The following PLXDC1 variants were observed in gnomAD, a reference collection of about 807,000 sequenced individuals.
PLXDC1 encodes plexin domain containing 1.
PLXDC1 carries 39 observed loss-of-function variants against 61.3 expected under a neutral mutation model. The ratio of observed to expected loss-of-function variants is 0.64; its 90% CI spans 0.49 to 0.83. PLXDC1 has a LOEUF of 0.83. Among genes scored for constraint, PLXDC1 ranks in the 40% least tolerant of loss-of-function variants. PLXDC1 has a pLI of 0.00. For missense variants in PLXDC1, 596 were observed against 666.5 expected (o/e 0.89, Z 1.17); for synonymous variants, 212 against 254.5 (o/e 0.83, Z 1.59).
chr17:39,099,870 G>T (rs1438366274), intron 7 of PLXDC1, among the ~76,000 whole-genome samples: 2 of 152,114 alleles, frequency 1.3e-5, no homozygotes, highest in South Asian at 2.1e-4. Context: ...CCTCTACGGT[G>T]GCTGCCTGGT....
At chr17:39,129,665 GAA>G (rs372607124) in intron 2 of PLXDC1, among the ~76,000 whole-genome samples, 26,310 of 92,636 alleles carry the variant, frequency 0.28, 2,571 homozygotes, top group Middle Eastern at 0.43. Context: ...GAGAAAGAAA[GAA>G]AGAGAGAGAG....
At chr17:39,092,266 G>A (rs1168583391) in intron 7 of PLXDC1, among the ~76,000 whole-genome samples, 1 of 151,920 alleles carries the variant, frequency 6.6e-6, no homozygotes, top group Non-Finnish European at 1.5e-5. Context: ...GTAGAGATGG[G>A]TCTCCCTGTA....
Position 39,128,097 on chromosome 17 carries a change from G to GTATATATATATATATATATATATATA in PLXDC1, c.255+11556_255+11557insTATATATATATATATATATATATATA, listed in dbSNP as rs1419922925. Reference sequence around the variant, plus strand: ...TCTCTCTCTCTCTCTCTCTCTATGTGTATATATATATATATATGTATATAT... The same window carrying GTATATATATATATATATATATATATA: ...TCTCTCTCTCTCTCTCTCTCTATGTGTATATATATATATATATATATATATATATATATATATATATATGTATATAT... On this transcript the variant is annotated intron_variant, in intron 2 of 13. Coordinates refer to ENST00000315392, the MANE Select transcript of PLXDC1 (RefSeq NM_020405.5). 2.7e-3 allele frequency among the ~76,000 whole-genome samples: 185 copies of GTATATATATATATATATATATATATA among 67,464 alleles called. 22 individuals are homozygous for GTATATATATATATATATATATATATA. The East Asian group carries it at 0.029, about 11-fold the overall frequency. 44.3% of individuals were successfully genotyped at this position (67,464 alleles called of 152,430 possible).
At position 39,063,520 on chromosome 17, in the gene PLXDC1, C is replaced by CG. The variant is rs1567749489; in HGVS notation, c.*4319dup. 2.8e-6 allele frequency: 2 copies of CG among 702,698 alleles called. No individual in the cohort carries two copies. Among genetic ancestry groups the CG allele is most frequent in the African/African-American group, 3.5e-5 (2 of 57,226 alleles). The allele number at this position is 702,698 out of a possible 1,614,324, so 43.5% of individuals were successfully genotyped here. On this transcript the variant is annotated 3_prime_UTR_variant, in exon 14 of 14. Transcript: ENST00000315392. ...CACAGTCATGTCTCAGCGAAGAAGTCGGAGTTCAGCAGCCATCAGAACCAA... is the reference window on the plus strand; with the variant it reads ...CACAGTCATGTCTCAGCGAAGAAGTCGGGAGTTCAGCAGCCATCAGAACCAA...
intron 11 of PLXDC1, among the ~76,000 whole-genome samples, chr17:39,075,186 T>A (rs1250221798): frequency 6.6e-6 from 1 of 152,200 alleles, no homozygotes; most frequent in Admixed American, 6.5e-5. Flanking sequence ...CTCGAACTCC[T>A]GAGCTCAAGT....
intron 7 of PLXDC1, among the ~76,000 whole-genome samples, chr17:39,092,737 C>T (rs1253436765): frequency 6.6e-6 from 1 of 151,314 alleles, no homozygotes; most frequent in Non-Finnish European, 1.5e-5. Flanking sequence ...TTTAAAAAAC[C>T]TCAGGGCTGG....
chr17:39,089,175 T>C (rs1173477133), intron 7 of PLXDC1, among the ~76,000 whole-genome samples: 1 of 152,176 alleles, frequency 6.6e-6, no homozygotes. Flanking sequence ...GCATTCCCCT[T>C]GGGGTACTGT....
intron 1 of PLXDC1, among the ~76,000 whole-genome samples, chr17:39,140,651 C>T (rs1911908630): frequency 6.6e-6 from 1 of 152,222 alleles, no homozygotes; most frequent in Admixed American, 6.5e-5. Context: ...GAGTCTTGGA[C>T]TTAACTCTGC....
At chr17:39,098,205 CAAAAAAAAAA>C (rs56027303) in intron 7 of PLXDC1, among the ~76,000 whole-genome samples, 5 of 101,486 alleles carry the variant, frequency 4.9e-5, no homozygotes, top group Non-Finnish European at 9.8e-5. Flanking sequence ...AACTCCATCT[CAAAAAAAAAA>C]AAAAAAAAAA....
At chr17:39,096,772 A>G (rs1300328302) in intron 7 of PLXDC1, 11 of 368,982 alleles carry the variant, frequency 3.0e-5, no homozygotes, top group East Asian at 7.4e-5. Context: ...TGGCAATGCT[A>G]AAGTTGCTTT....
In PLXDC1 at chr17:39,090,470, T is replaced by C. The variant is rs75187852; in HGVS notation, c.812-2768A>G. ...GCAGATGGGGGCACTGATGAGAGCA[T>C]GGAGGAAAAGAAGCTCGGCCCCCGG... On this transcript the variant is annotated intron_variant, in intron 7 of 13. Transcript: ENST00000315392. Among the ~76,000 whole-genome samples the C allele has an allele frequency of 0.013, 1,990 of 152,168 alleles. 65 individuals are homozygous for C. In the East Asian group the frequency reaches 0.13, roughly 10 times the overall value.
intron 2 of PLXDC1, among the ~76,000 whole-genome samples, chr17:39,114,539 G>A (rs1232545037): frequency 6.6e-6 from 1 of 152,162 alleles, no homozygotes; most frequent in Non-Finnish European, 1.5e-5. Flanking sequence ...TGCCTTTCCT[G>A]TAAGATCGTA....
rs533550855 is a variant in PLXDC1 at position 39,087,190 on chromosome 17, G to A, written c.907+417C>T. Among the ~76,000 whole-genome samples the A allele has an allele frequency of 2.0e-4, 30 of 152,308 alleles. No individual in the cohort carries two copies. The East Asian group carries it at 3.1e-3, about 16-fold the overall frequency. On this transcript the variant is annotated intron_variant, in intron 8 of 13. Transcript: ENST00000315392. ...CTCCATTGCCTCCTGCCTGTGGACC[G>A]CAGCATCACCTCCTCTAAGGAGAAT...
Position 39,151,256 on chromosome 17 carries a change from C to T in PLXDC1, c.76+106G>A, listed in dbSNP as rs1020424548. The stretch of plus-strand genomic sequence containing the variant: ...TCTCCTGGCCTCCTGCGGACAATGC[C>T]CCCCTCGCGGACATCGCCAGGCCGT... On this transcript the variant is annotated intron_variant, in intron 1 of 13. Transcript: ENST00000315392. The surrounding 1 kb of genome is among the most constrained non-coding windows in gnomAD (Gnocchi z 5.2). 1 of 838,740 alleles carries T rather than the reference C, an allele frequency of 1.2e-6. No homozygotes were observed. Among genetic ancestry groups the T allele is most frequent in the Non-Finnish European group, 1.6e-6 (1 of 626,834 alleles). The allele number at this position is 838,740 out of a possible 1,614,324, so 52.0% of individuals were successfully genotyped here. A position where few individuals can be genotyped will look rare whatever the true frequency, so the allele number is the denominator to read the frequency against.
chr17:39,079,604 A>C, intron 9 of PLXDC1: 1 of 454,714 alleles, frequency 2.2e-6, no homozygotes, highest in South Asian at 1.6e-5. Flanking sequence ...GTGATCATTC[A>C]AGGGCATTTC....
chr17:39,151,548 G>T lies in PLXDC1; in HGVS notation c.-111C>A. On this transcript the variant is annotated 5_prime_UTR_variant, in exon 1 of 14. Transcript: ENST00000315392. This position sits in a 1 kb window ranked among gnomAD's most constrained non-coding sequence, Gnocchi z 5.2. Reference sequence around the variant, plus strand: ...GTCCCCGGGGCTGGCGGAGGGGCGGGCGGCGAGGAGACGGCGGAGCGCGGG... The same window carrying T: ...GTCCCCGGGGCTGGCGGAGGGGCGGTCGGCGAGGAGACGGCGGAGCGCGGG... 2 of 1,211,048 alleles carry T rather than the reference G, an allele frequency of 1.7e-6. No homozygotes were observed. Among genetic ancestry groups the T allele is most frequent in the Non-Finnish European group, 2.1e-6 (2 of 974,578 alleles). 75.0% of individuals were successfully genotyped at this position (1,211,048 alleles called of 1,614,324 possible).
chr17:39,136,652 GA>G lies in PLXDC1; in HGVS notation c.255+3001del, dbSNP rs374701291. On this transcript the variant is annotated intron_variant, in intron 2 of 13. Transcript: ENST00000315392. ...CAGAAACAATGCAGAGAGCAGAGGG[GA>G]AAAAAATCTCAAAATTGTTCTAATA... 4.6e-3 allele frequency among the ~76,000 whole-genome samples: 698 copies of G among 151,996 alleles called. 6 individuals are homozygous for G. The highest frequency in any genetic ancestry group is 0.016 in the African/African-American group (679 of 41,452).
intron 2 of PLXDC1, among the ~76,000 whole-genome samples, chr17:39,139,152 C>T (rs1182041766): frequency 2.6e-5 from 4 of 152,180 alleles, no homozygotes; most frequent in Admixed American, 2.6e-4. Flanking sequence ...CTGCCCCAGG[C>T]CAAGGAGGTT....
At chr17:39,112,243 C>G (rs1034423656) in intron 2 of PLXDC1, 3 of 152,058 alleles carry the variant, frequency 2.0e-5, no homozygotes, top group African/African-American at 7.2e-5. Context: ...GGGCCCTGCC[C>G]AACACTGTAC....
Sources: gnomAD v4.1 joint callset for allele counts (sites outside exome capture counted in the v4.1 genomes callset) on GRCh38, gnomAD v4.1.1 for gene constraint, Gnocchi (gnomAD v3.1) non-coding constraint, MANE v1.5 for transcripts, NCBI Gene and HGNC (gene_info 2026-07-23, HGNC 2026-07-21) for gene names.